Variants in DSG4 observed in about 807,000 individuals in gnomAD.
The protein encoded by DSG4 is desmoglein-4.
A neutral mutation model predicts 93.1 loss-of-function variants in DSG4; 87 were observed. The ratio of observed to expected loss-of-function variants is 0.93; its 90% CI spans 0.79 to 1.12. The LOEUF is 1.12. Among genes scored for constraint, DSG4 ranks in the 50% most tolerant of loss-of-function variants. The pLI is 0.00. For missense variants in DSG4, 1,373 were observed against 1,285.7 expected, an observed-to-expected ratio of 1.07 and a Z score of -1.04; for synonymous variants, 432 against 452.9, an observed-to-expected ratio of 0.95 and a Z score of 0.59.
chr18:31,399,718 C>T (rs2072344862), intron 9 of DSG4, among the ~76,000 whole-genome samples, 175 bp downstream of exon 9: 1 of 152,156 alleles, frequency 6.6e-6, no homozygotes, highest in Admixed American at 6.6e-5. Context: ...GTTTTAGAGG[C>T]TTCAATAATG....
rs371192767 is a variant in DSG4 at position 31,385,091 on chromosome 18, A to C, written c.49-45A>C. 4 of 1,544,626 alleles carry C rather than the reference A, an allele frequency of 2.6e-6. No individual in the cohort carries two copies. The African/African-American group carries it at 5.4e-5, about 21-fold the overall frequency. Reference sequence around the variant, plus strand: ...ATGTTTTTATGACATGGCTTCCTCTAAATTATGCAAATTTATGCTAATGTG... The same window carrying C: ...ATGTTTTTATGACATGGCTTCCTCTCAATTATGCAAATTTATGCTAATGTG... On this transcript the variant is annotated intron_variant, in intron 1 of 15. Transcript: ENST00000308128.
At chr18:31,410,023 C>G in intron 14 of DSG4, among the ~76,000 whole-genome samples, 1 of 152,116 alleles carries the variant, frequency 6.6e-6, no homozygotes, top group Non-Finnish European at 1.5e-5. Context: ...AGAGCAAACT[C>G]TGGAAGCAGA....
chr18:31,395,780 C>A (rs1329785917), intron 8 of DSG4, among the ~76,000 whole-genome samples: 1 of 152,202 alleles, frequency 6.6e-6, no homozygotes, highest in Non-Finnish European at 1.5e-5. Flanking sequence ...GCGGGAGGGT[C>A]ACTTGAGTCC....
Position 31,388,483 on chromosome 18 carries a change from C to A in DSG4, c.333C>A (p.Ile111=). ...TINPRTGEIN[I]TSVVDREITP... ...ATCCTCGCACTGGGGAAATTAACAT[C>A]ACTTCAGTGGTAGACAGAGAAATAA... The change falls in exon 4 of 16, where the codon ATC becomes ATA. Residue 111 remains isoleucine (I), a synonymous_variant. Coordinates refer to ENST00000308128, the MANE Select transcript of DSG4 (RefSeq NM_177986.5). The A allele has an allele frequency of 6.2e-7, 1 of 1,613,492 alleles. No individual in the cohort carries two copies. Among genetic ancestry groups the A allele is most frequent in the Admixed American group, 1.7e-5 (1 of 59,956 alleles).
At chr18:31,383,667 C>T (rs755793915) in intron 1 of DSG4, among the ~76,000 whole-genome samples, 4 of 152,070 alleles carry the variant, frequency 2.6e-5, no homozygotes, top group South Asian at 4.1e-4. Context: ...TCTACCTCAG[C>T]GTGCACCTGA....
chr18:31,404,070 G>A (rs916517207), intron 11 of DSG4, among the ~76,000 whole-genome samples: 1 of 152,016 alleles, frequency 6.6e-6, no homozygotes, highest in Non-Finnish European at 1.5e-5. Context: ...TACTCACTTA[G>A]GAGCACATAA....
chr18:31,409,984 A>G (rs929879771), intron 14 of DSG4, among the ~76,000 whole-genome samples, 176 bp downstream of exon 14: 1 of 152,196 alleles, frequency 6.6e-6, no homozygotes, highest in Non-Finnish European at 1.5e-5. Context: ...CTGAAACTAC[A>G]GACAGTGAAG....
chr18:31,411,395 G>T lies in DSG4; in HGVS notation c.2302G>T (p.Asp768Tyr). The change falls in exon 15 of 16, where the codon GAC becomes TAC. Residue 768 changes from aspartate to tyrosine, a missense_variant. Coordinates refer to ENST00000308128, the MANE Select transcript of DSG4 (RefSeq NM_177986.5). ...GAGCTCTACCATGGGAACCCTGCGGGACTACGCTGACGCAGACATCAACAT... is the reference window on the plus strand; with the variant it reads ...GAGCTCTACCATGGGAACCCTGCGGTACTACGCTGACGCAGACATCAACAT... Reference protein sequence around the residue: ...KRSSTMGTLRDYADADINMAF... With the variant: ...KRSSTMGTLRYYADADINMAF... 6.2e-7 allele frequency: 1 copy of T among 1,614,104 alleles called. No individual in the cohort carries two copies. The highest frequency in any genetic ancestry group is 8.5e-7 in the Non-Finnish European group (1 of 1,180,016).
rs777378944 is a variant in DSG4 at position 31,413,525 on chromosome 18, G to C, written c.3053G>C (p.Gly1018Ala). 6.2e-7 allele frequency: 1 copy of C among 1,613,934 alleles called. No homozygotes were observed. The highest frequency in any genetic ancestry group is 1.3e-5 in the African/African-American group (1 of 74,946). The stretch of plus-strand genomic sequence containing the variant: ...GACCTTCCCATAGGCCAAACCGTTG[G>C]CTCCACATCCCCCATGACATCTCGA... ...SPDLPIGQTVGSTSPMTSRHR... is the reference protein window; with the variant it reads ...SPDLPIGQTVASTSPMTSRHR... The change falls in exon 16 of 16, where the codon GGC becomes GCC. Residue 1018 changes from glycine to alanine, a missense_variant. Coordinates refer to ENST00000308128, the MANE Select transcript of DSG4 (RefSeq NM_177986.5).
intron 12 of DSG4, among the ~76,000 whole-genome samples, chr18:31,408,767 G>A (rs1308948607): frequency 2.0e-5 from 3 of 152,118 alleles, no homozygotes; most frequent in African/African-American, 7.2e-5. Context: ...CAACCAGAGT[G>A]GGCCCAAAGA....
chr18:31,414,158 A>T lies in DSG4; in HGVS notation c.*563A>T, dbSNP rs1019808061. 1 of 152,210 alleles carries T rather than the reference A, an allele frequency of 6.6e-6. No homozygotes were observed. The allele number at this position is 152,210 out of a possible 1,614,324, so 9.4% of individuals were successfully genotyped here. A position where few individuals can be genotyped will look rare whatever the true frequency, so the allele number is the denominator to read the frequency against. On this transcript the variant is annotated 3_prime_UTR_variant, in exon 16 of 16. Coordinates refer to ENST00000308128, the MANE Select transcript of DSG4 (RefSeq NM_177986.5). ...ATTATGCGCTATTAAGCAATAGGAG[A>T]TGCTTAATATAATAAGAAAAGAGTT...
intron 9 of DSG4, among the ~76,000 whole-genome samples, chr18:31,400,128 C>T (rs1294749527): frequency 6.6e-6 from 1 of 152,152 alleles, no homozygotes; most frequent in Non-Finnish European, 1.5e-5. Flanking sequence ...GAAATAACCA[C>T]AGTGAAGTAC....
chr18:31,384,669 A>G (rs1757602972), intron 1 of DSG4, among the ~76,000 whole-genome samples: 1 of 152,176 alleles, frequency 6.6e-6, no homozygotes, highest in African/African-American at 2.4e-5. Context: ...AGCTCCTCAT[A>G]CGTTCCCTTA....
At position 31,406,001 on chromosome 18, in the gene DSG4, A is replaced by G; in HGVS notation, c.1637-76A>G. The stretch of plus-strand genomic sequence containing the variant: ...CTAGTGTTTTAAGTCAATATTTGGT[A>G]TTAGGGAGAGTTAACCACCCCCCTA... On this transcript the variant is annotated intron_variant, in intron 11 of 15. Coordinates refer to ENST00000308128, the MANE Select transcript of DSG4 (RefSeq NM_177986.5). 3 of 1,542,214 alleles carry G rather than the reference A, an allele frequency of 1.9e-6. No individual in the cohort carries two copies. In the South Asian group the frequency reaches 3.4e-5, roughly 18 times the overall value.
rs558909982 is a variant in DSG4 at position 31,376,870 on chromosome 18, A to G, written c.-42A>G. The G allele has an allele frequency of 6.2e-7, 1 of 1,612,146 alleles. No homozygotes were observed. The highest frequency in any genetic ancestry group is 1.3e-5 in the African/African-American group (1 of 74,876). ...CGGAACTGAGAAGACGAGGGCTCAA[A>G]TTGAATCTCACAGGATTTGCGTGCA... On this transcript the variant is annotated 5_prime_UTR_variant, in exon 1 of 16. Transcript: ENST00000308128.
intron 15 of DSG4, among the ~76,000 whole-genome samples, chr18:31,412,408 G>A (rs2072504427): frequency 6.6e-6 from 1 of 152,134 alleles, no homozygotes; most frequent in Non-Finnish European, 1.5e-5. Context: ...TGGTTAATAG[G>A]TGCAAAAATA....
At position 31,409,600 on chromosome 18, in the gene DSG4, A is replaced by C; in HGVS notation, c.2073+9A>C. ...CCCATCCCGAGGACAGGGTAAGTGGACTGTCACTCTCCAGAGAAGTGTGGA... is the reference window on the plus strand; with the variant it reads ...CCCATCCCGAGGACAGGGTAAGTGGCCTGTCACTCTCCAGAGAAGTGTGGA... On this transcript the variant is annotated intron_variant, in intron 13 of 15. Transcript: ENST00000308128. 1 of 1,614,238 alleles carries C rather than the reference A, an allele frequency of 6.2e-7. No homozygotes were observed. The highest frequency in any genetic ancestry group is 8.5e-7 in the Non-Finnish European group (1 of 1,180,046).
intron 12 of DSG4, 140 bp from the exon 13 acceptor site, chr18:31,409,312 A>T: frequency 7.6e-7 from 1 of 1,310,046 alleles, no homozygotes. Flanking sequence ...CCCCTAAAGG[A>T]AAAAAATGAG....
rs769765719 is a variant in DSG4 at position 31,411,327 on chromosome 18, TGGCCGCAGG to T, written c.2244_2252del (p.Ala750_Ala752del). The T allele has an allele frequency of 3.1e-6, 5 of 1,611,114 alleles. No homozygotes were observed. Among genetic ancestry groups the T allele is most frequent in the African/African-American group, 2.8e-5 (2 of 72,716 alleles). On this transcript the variant is annotated inframe_deletion, in exon 15 of 16. Coordinates refer to ENST00000308128, the MANE Select transcript of DSG4 (RefSeq NM_177986.5). The stretch of plus-strand genomic sequence containing the variant: ...GGTATGGGGACAGCCGTTGGCCTCA[TGGCCGCAGG>T]GGCCGCAGGAGCCTCAGGGGCCGCA...
Sources: allele counts gnomAD v4.1 joint callset (sites outside exome capture counted in the v4.1 genomes callset), GRCh38; gene constraint gnomAD v4.1.1; transcripts MANE v1.5; gene names NCBI Gene and HGNC (gene_info 2026-07-23, HGNC 2026-07-21).